Variants in LDB2 observed in about 807,000 individuals in gnomAD.
LDB2 encodes the protein LIM domain binding 2.
Under a neutral mutation model 44.3 loss-of-function variants are expected in LDB2, and 12 were observed. The ratio of observed to expected loss-of-function variants is 0.27; its 90% CI spans 0.17 to 0.44. The LOEUF is 0.44. Ranked by LOEUF, LDB2 falls within the 20% of genes least tolerant of loss-of-function variation. The pLI, the probability that LDB2 is intolerant of heterozygous loss-of-function variation, is 1.00. For missense variants in LDB2, 344 were observed against 473.5 expected, an observed-to-expected ratio of 0.73 and a Z score of 2.54; for synonymous variants, 164 against 174.8, an observed-to-expected ratio of 0.94 and a Z score of 0.49.
intron 2 of LDB2, among the ~76,000 whole-genome samples, chr4:16,672,343 C>G (rs2152558446): frequency 6.6e-6 from 1 of 152,262 alleles, no homozygotes; most frequent in African/African-American, 2.4e-5. Context: ...TACCCACATT[C>G]TCTTATGCCT....
chr4:16,720,454 A>G (rs1402564405), intron 2 of LDB2, among the ~76,000 whole-genome samples: 1 of 152,094 alleles, frequency 6.6e-6, no homozygotes, highest in Non-Finnish European at 1.5e-5. Context: ...CACATAAACC[A>G]ATTCCTTGCA....
At chr4:16,610,662 A>G (rs1560624496) in intron 2 of LDB2, among the ~76,000 whole-genome samples, 1 of 139,646 alleles carries the variant, frequency 7.2e-6, no homozygotes, top group Non-Finnish European at 1.5e-5. Context: ...AAGAATAGCG[A>G]AAAAAAAAAA....
At chr4:16,518,383 T>G (rs2152265923) in intron 5 of LDB2, among the ~76,000 whole-genome samples, 1 of 152,250 alleles carries the variant, frequency 6.6e-6, no homozygotes. Context: ...TAATTCCATG[T>G]TTTTTGTGTG....
intron 2 of LDB2, among the ~76,000 whole-genome samples, chr4:16,638,581 C>T (rs920078660): frequency 3.4e-4 from 52 of 152,176 alleles, no homozygotes; most frequent in African/African-American, 1.3e-3. Flanking sequence ...TCCAGTGTGT[C>T]AACACTTTAT....
At chr4:16,511,189 G>A (rs1282148859) in intron 6 of LDB2, among the ~76,000 whole-genome samples, 1 of 152,142 alleles carries the variant, frequency 6.6e-6, no homozygotes, top group African/African-American at 2.4e-5. Flanking sequence ...AGAAAGCTAT[G>A]TGCCTCGTGT....
chr4:16,723,393 A>G (rs1758741933), intron 2 of LDB2, among the ~76,000 whole-genome samples: 1 of 152,126 alleles, frequency 6.6e-6, no homozygotes, highest in Admixed American at 6.5e-5. Flanking sequence ...TTTAGAACAA[A>G]GCCACTCCCA....
intron 3 of LDB2, among the ~76,000 whole-genome samples, chr4:16,594,808 A>C (rs1212540198): frequency 6.6e-6 from 1 of 152,226 alleles, no homozygotes; most frequent in Non-Finnish European, 1.5e-5. Context: ...GAACTAAAAG[A>C]GATAGCTATC....
At chr4:16,547,951 TTTTG>T (rs926154805) in intron 5 of LDB2, among the ~76,000 whole-genome samples, 1 of 151,268 alleles carries the variant, frequency 6.6e-6, no homozygotes, top group Non-Finnish European at 1.5e-5. Flanking sequence ...GGTTCTTTTT[TTTTG>T]TTTGTTTTTT....
At chr4:16,672,832 T>TTTCCTTCCTTCC (rs61126154) in intron 2 of LDB2, among the ~76,000 whole-genome samples, 60 of 147,830 alleles carry the variant, frequency 4.1e-4, no homozygotes, top group East Asian at 6.1e-4. Flanking sequence ...GCCTGCCTTC[T>TTTCCTTCCTTCC]TTCCTTCCTT....
At chr4:16,567,216 G>C (rs181392366) in intron 5 of LDB2, among the ~76,000 whole-genome samples, 3 of 152,202 alleles carry the variant, frequency 2.0e-5, no homozygotes, top group African/African-American at 7.2e-5. Context: ...GTGAATAGTA[G>C]AAAAATATTA....
chr4:16,629,578 T>C (rs1410914555), intron 2 of LDB2, among the ~76,000 whole-genome samples: 3 of 151,866 alleles, frequency 2.0e-5, no homozygotes, highest in Non-Finnish European at 2.9e-5. Context: ...GAGAAAGGAA[T>C]AGCATCAACA....
chr4:16,683,184 C>T (rs1283813634), intron 2 of LDB2, among the ~76,000 whole-genome samples: 1 of 152,186 alleles, frequency 6.6e-6, no homozygotes, highest in Non-Finnish European at 1.5e-5. Context: ...AAACCAACAA[C>T]TGTATTTATC....
At chr4:16,794,518 G>A (rs1247640887) in intron 1 of LDB2, among the ~76,000 whole-genome samples, 1 of 152,148 alleles carries the variant, frequency 6.6e-6, no homozygotes, top group Non-Finnish European at 1.5e-5. Context: ...ACCTAGGCTG[G>A]AGCTCTGGCT....
chr4:16,661,101 A>G (rs1741459363), intron 2 of LDB2, among the ~76,000 whole-genome samples: 1 of 151,096 alleles, frequency 6.6e-6, no homozygotes, highest in East Asian at 2.0e-4. Flanking sequence ...ACTTTCCCCC[A>G]CCTCCCTACA....
intron 7 of LDB2, among the ~76,000 whole-genome samples, chr4:16,504,640 C>A (rs1374911791): frequency 1.3e-5 from 2 of 152,216 alleles, no homozygotes; most frequent in Non-Finnish European, 2.9e-5. Context: ...TACCGTCCTT[C>A]TGACTGGCAG....
chr4:16,727,842 A>T (rs1336382916), intron 2 of LDB2, among the ~76,000 whole-genome samples: 1 of 152,182 alleles, frequency 6.6e-6, no homozygotes, highest in Non-Finnish European at 1.5e-5. Context: ...ATGAATTGAC[A>T]TATAATAATG....
At chr4:16,603,483 A>G (rs1412524169) in intron 2 of LDB2, among the ~76,000 whole-genome samples, 2 of 152,158 alleles carry the variant, frequency 1.3e-5, no homozygotes, top group African/African-American at 4.8e-5. Flanking sequence ...CAGATGTTAT[A>G]TATTTATACC....
At chr4:16,548,348 A>G (rs1241886930) in intron 5 of LDB2, among the ~76,000 whole-genome samples, 3 of 151,868 alleles carry the variant, frequency 2.0e-5, no homozygotes, top group Non-Finnish European at 4.4e-5. Context: ...CTGATCCCAA[A>G]TCTTTCCTTC....
intron 1 of LDB2, among the ~76,000 whole-genome samples, chr4:16,761,757 T>C (rs574403356): frequency 1.4e-3 from 219 of 152,248 alleles, no homozygotes; most frequent in African/African-American, 5.1e-3. Context: ...ACAGTGAAGA[T>C]CAATAAAATG....
Sources: gnomAD v4.1 joint callset for allele counts (sites outside exome capture counted in the v4.1 genomes callset) on GRCh38, gnomAD v4.1.1 for gene constraint, MANE v1.5 for transcripts, NCBI Gene and HGNC (gene_info 2026-07-23, HGNC 2026-07-21) for gene names.